RBFOX1: variants seen among roughly 807,000 people sequenced by gnomAD.
RBFOX1 encodes RNA binding fox-1 homolog 1.
A neutral mutation model predicts 57.7 loss-of-function variants in RBFOX1; 8 were observed. The ratio of observed to expected loss-of-function variants is 0.14; its 90% CI spans 0.08 to 0.25. RBFOX1 has a LOEUF of 0.25. Among genes scored for constraint, RBFOX1 ranks in the 10% least tolerant of loss-of-function variants. The pLI is 1.00. For missense variants in RBFOX1, 611 were observed against 548.5 expected, an observed-to-expected ratio of 1.11 and a Z score of -1.14; for synonymous variants, 326 against 222.4, an observed-to-expected ratio of 1.47 and a Z score of -4.15.
intron 1 of RBFOX1, among the ~76,000 whole-genome samples, chr16:5,342,232 G>A (rs1252376333): frequency 6.6e-6 from 1 of 152,154 alleles, no homozygotes; most frequent in Non-Finnish European, 1.5e-5. Context: ...TCCAAAGGTG[G>A]CCTCTGCAGC....
intron 2 of RBFOX1, among the ~76,000 whole-genome samples, chr16:6,369,028 A>C (rs549064631): frequency 6.6e-6 from 1 of 152,218 alleles, no homozygotes; most frequent in Non-Finnish European, 1.5e-5. Flanking sequence ...GTAAAATTGA[A>C]ACTATGGAAA....
chr16:5,274,026 G>T (rs547447809), intron 1 of RBFOX1, among the ~76,000 whole-genome samples: 9 of 152,182 alleles, frequency 5.9e-5, no homozygotes, highest in Non-Finnish European at 1.2e-4. Flanking sequence ...TTCCCTCTCA[G>T]GTTTGTGGGG....
chr16:6,804,326 C>T (rs749663294), intron 3 of RBFOX1, among the ~76,000 whole-genome samples: 7 of 152,096 alleles, frequency 4.6e-5, no homozygotes, highest in Non-Finnish European at 1.0e-4. Context: ...CAAATTTTAA[C>T]TCCAGGGTAA....
intron 1 of RBFOX1, among the ~76,000 whole-genome samples, chr16:5,299,562 C>T (rs1376700192): frequency 1.3e-5 from 2 of 152,150 alleles, no homozygotes; most frequent in Admixed American, 6.5e-5. Context: ...ATGAAAGTTC[C>T]AATTGTTTCA....
intron 2 of RBFOX1, chr16:6,577,459 A>C (rs1014386485): frequency 2.6e-5 from 4 of 152,134 alleles, no homozygotes; most frequent in Non-Finnish European, 5.9e-5. Flanking sequence ...CCAACTCTCC[A>C]GTTTGTATCA....
At chr16:6,489,952 T>C (rs1178073455) in intron 2 of RBFOX1, among the ~76,000 whole-genome samples, 1 of 152,184 alleles carries the variant, frequency 6.6e-6, no homozygotes, top group Non-Finnish European at 1.5e-5. Context: ...CTGGATCTCC[T>C]AAGGTGTCTT....
intron 1 of RBFOX1, among the ~76,000 whole-genome samples, chr16:5,274,175 A>G (rs2063085165): frequency 6.6e-6 from 1 of 152,072 alleles, no homozygotes; most frequent in Non-Finnish European, 1.5e-5. Context: ...TGTTCTTCCT[A>G]ATTTTCCCTT....
chr16:5,674,809 A>G (rs898125356), intron 3 of RBFOX1, among the ~76,000 whole-genome samples: 1 of 152,182 alleles, frequency 6.6e-6, no homozygotes, highest in Non-Finnish European at 1.5e-5. Context: ...AGATTCAGAT[A>G]TATAATGCTG....
At chr16:7,020,286 C>G (rs143889498) in intron 3 of RBFOX1, among the ~76,000 whole-genome samples, 61 of 152,164 alleles carry the variant, frequency 4.0e-4, no homozygotes, top group African/African-American at 1.4e-3. Flanking sequence ...AGTGCAGAGG[C>G]ACAGTCTTGG....
chr16:6,316,459 TTAAG>T (rs1229286610), intron 1 of RBFOX1, among the ~76,000 whole-genome samples: 3 of 152,194 alleles, frequency 2.0e-5, no homozygotes, highest in African/African-American at 4.8e-5. Flanking sequence ...TATTTGAACT[TTAAG>T]TAAGTATCAC....
At chr16:6,928,144 T>A (rs1187547352) in intron 3 of RBFOX1, among the ~76,000 whole-genome samples, 1 of 152,122 alleles carries the variant, frequency 6.6e-6, no homozygotes, top group African/African-American at 2.4e-5. Flanking sequence ...TGTGTGTGAT[T>A]GGGGTTTTCA....
At chr16:6,931,461 C>T (rs1366974697) in intron 3 of RBFOX1, among the ~76,000 whole-genome samples, 1 of 152,110 alleles carries the variant, frequency 6.6e-6, no homozygotes, top group Non-Finnish European at 1.5e-5. Flanking sequence ...AGCATCTCTG[C>T]AGGGTATAAT....
intron 1 of RBFOX1, among the ~76,000 whole-genome samples, chr16:6,307,973 T>C (rs56317535): frequency 0.29 from 43,731 of 148,582 alleles, 6,496 homozygotes; most frequent in African/African-American, 0.33. Flanking sequence ...TAAACTGTAA[T>C]CATTTATATA....
At chr16:6,524,098 A>T (rs946732174) in intron 2 of RBFOX1, among the ~76,000 whole-genome samples, 1 of 152,092 alleles carries the variant, frequency 6.6e-6, no homozygotes, top group South Asian at 2.1e-4. Context: ...GGTCTTATTC[A>T]TTCTATTTCA....
chr16:6,612,929 C>G (rs1387042070), intron 2 of RBFOX1, among the ~76,000 whole-genome samples: 1 of 150,908 alleles, frequency 6.6e-6, no homozygotes, highest in Non-Finnish European at 1.5e-5. Context: ...TGAAGATTAC[C>G]AAATTCAGTT....
At chr16:6,865,411 T>A (rs1290887191) in intron 3 of RBFOX1, among the ~76,000 whole-genome samples, 2 of 152,146 alleles carry the variant, frequency 1.3e-5, no homozygotes, top group East Asian at 3.9e-4. Flanking sequence ...ATTTCTAATT[T>A]TACCAGTGTT....
intron 3 of RBFOX1, among the ~76,000 whole-genome samples, chr16:5,666,331 G>A (rs12600289): frequency 0.05 from 7,635 of 152,248 alleles, 464 homozygotes; most frequent in East Asian, 0.19. Flanking sequence ...GTGAAGCAAT[G>A]TGAAGGTCTT....
intron 2 of RBFOX1, among the ~76,000 whole-genome samples, chr16:6,351,740 A>G (rs1028500808): frequency 1.3e-5 from 2 of 152,308 alleles, no homozygotes; most frequent in East Asian, 1.9e-4. Flanking sequence ...ATGCATACAT[A>G]TATGTTTGAA....
intron 1 of RBFOX1, among the ~76,000 whole-genome samples, chr16:5,293,470 C>G (rs557972984): frequency 4.3e-4 from 66 of 152,132 alleles, no homozygotes; most frequent in Non-Finnish European, 5.0e-4. Context: ...GGGTCTCAAC[C>G]TTGGCTCCAC....
Sources: gnomAD v4.1 joint callset for allele counts (sites outside exome capture counted in the v4.1 genomes callset) on GRCh38, gnomAD v4.1.1 for gene constraint, MANE v1.5 for transcripts, NCBI Gene and HGNC (gene_info 2026-07-23, HGNC 2026-07-21) for gene names.